CD6: variants seen among roughly 807,000 people sequenced by gnomAD.
CD6 encodes the protein T-cell differentiation antigen CD6.
In CD6, 53 loss-of-function variants were observed where a neutral mutation model predicts 75.3. That is an observed-to-expected ratio of 0.70 (90% CI 0.56 to 0.88). The LOEUF (loss-of-function observed/expected upper bound fraction) is 0.88. Among genes scored for constraint, CD6 ranks in the 40% least tolerant of loss-of-function variants. CD6 has a pLI of 0.00. For synonymous variants in CD6, 359 were observed against 381.5 expected, an observed-to-expected ratio of 0.94 and a Z score of 0.69; for missense variants, 770 against 897.1, an observed-to-expected ratio of 0.86 and a Z score of 1.81.
chr11:61,018,164 G>C (rs1859510280), intron 11 of CD6, 125 bp from the exon 12 acceptor site: 1 of 1,284,416 alleles, frequency 7.8e-7, no homozygotes, highest in Non-Finnish European at 1.1e-6. Flanking sequence ...CCATCTCTGG[G>C]CCTTCACTTT....
Position 61,017,775 on chromosome 11 carries a change from T to C in CD6, c.1599T>C (p.His533=). 1 of 1,614,110 alleles carries C rather than the reference T, an allele frequency of 6.2e-7. No homozygotes were observed. Among genetic ancestry groups the C allele is most frequent in the Non-Finnish European group, 8.5e-7 (1 of 1,180,032 alleles). ...PPLEEGLEEL[H]ASHIPTANPG... ...CTGCCTTAGGACTTGAAGAGTTGCA[T>C]GCCTCCCACATCCCAACTGCCAACC... Residue 533 remains histidine (H), a synonymous_variant, in exon 11 of 13, where the codon CAT becomes CAC. Coordinates refer to ENST00000313421, the MANE Select transcript of CD6 (RefSeq NM_006725.5).
intron 1 of CD6, among the ~76,000 whole-genome samples, chr11:60,999,880 C>T (rs1437237101): frequency 1.3e-5 from 2 of 151,762 alleles, no homozygotes; most frequent in African/African-American, 4.8e-5. Flanking sequence ...AACCCCATCT[C>T]TACTAAAAAT....
intron 1 of CD6, among the ~76,000 whole-genome samples, chr11:60,972,615 C>T (rs534614530): frequency 2.0e-5 from 3 of 152,140 alleles, no homozygotes; most frequent in South Asian, 4.1e-4. Context: ...CTGGCCAGAG[C>T]GGGGCAGGGG....
chr11:60,972,684 A>C (rs1260613201), intron 1 of CD6, among the ~76,000 whole-genome samples: 1 of 152,170 alleles, frequency 6.6e-6, no homozygotes, highest in Non-Finnish European at 1.5e-5. Context: ...ATTTGGGAAG[A>C]CTGGTATGGA....
At chr11:60,993,400 AGCCAGCTGCCGTCCCATAGCTACCAAGG>A (rs1207904598) in intron 1 of CD6, among the ~76,000 whole-genome samples, 1 of 151,884 alleles carries the variant, frequency 6.6e-6, no homozygotes, top group Admixed American at 6.6e-5. Flanking sequence ...TAGAATCAAT[AGCCAGCTGCCGTCCCATAGCTACCAAGG>A]GCCAAACGAG....
At chr11:60,982,010 C>T (rs1036838240) in intron 1 of CD6, among the ~76,000 whole-genome samples, 9 of 137,820 alleles carry the variant, frequency 6.5e-5, no homozygotes, top group Non-Finnish European at 1.3e-4. Flanking sequence ...CCCCAATCTC[C>T]ATCAGGACCC....
At chr11:61,015,649 C>T in intron 8 of CD6, 64 bp from the exon 9 acceptor site, 2 of 1,591,920 alleles carry the variant, frequency 1.3e-6, no homozygotes, top group Non-Finnish European at 1.7e-6. Flanking sequence ...TCATACTCTA[C>T]CATCCCTCCC....
At chr11:61,008,465 C>A in intron 3 of CD6, 69 bp from the exon 4 acceptor site, 1 of 1,415,902 alleles carries the variant, frequency 7.1e-7, no homozygotes, top group Non-Finnish European at 9.5e-7. Flanking sequence ...TCCGGCCAGT[C>A]CAACCATCAC....
intron 1 of CD6, among the ~76,000 whole-genome samples, chr11:60,979,450 T>C (rs1857484878): frequency 6.6e-6 from 1 of 151,380 alleles, no homozygotes; most frequent in Non-Finnish European, 1.5e-5. Flanking sequence ...AGGCTCCATA[T>C]TTTGTTTTGT....
chr11:61,017,315 A>G, intron 9 of CD6, 164 bp from the exon 10 acceptor site: 1 of 629,122 alleles, frequency 1.6e-6, no homozygotes, highest in Non-Finnish European at 2.9e-6. Flanking sequence ...GGATTGGGAT[A>G]TGAACCTGGA....
At chr11:60,978,367 G>GT (rs1335340552) in intron 1 of CD6, among the ~76,000 whole-genome samples, 1 of 152,140 alleles carries the variant, frequency 6.6e-6, no homozygotes, top group African/African-American at 2.4e-5. Flanking sequence ...GAGCCCTGAG[G>GT]TTGGGGGGCA....
At chr11:60,975,785 T>C (rs1370561311) in intron 1 of CD6, among the ~76,000 whole-genome samples, 1 of 152,198 alleles carries the variant, frequency 6.6e-6, no homozygotes, top group Non-Finnish European at 1.5e-5. Flanking sequence ...GTCTGGGCGA[T>C]GAAGGAGACC....
chr11:61,010,376 A>G (rs896263085), intron 5 of CD6, among the ~76,000 whole-genome samples: 23 of 152,240 alleles, frequency 1.5e-4, no homozygotes, highest in African/African-American at 5.5e-4. Context: ...TTATTATTTT[A>G]TGTACCATAA....
chr11:60,998,250 T>C (rs183302192), intron 1 of CD6, among the ~76,000 whole-genome samples: 5 of 152,288 alleles, frequency 3.3e-5, no homozygotes, highest in Admixed American at 2.6e-4. Context: ...ATTAATAGTA[T>C]GCACCTCACA....
intron 1 of CD6, among the ~76,000 whole-genome samples, chr11:60,990,294 G>A (rs534926071): frequency 1.3e-5 from 2 of 152,208 alleles, no homozygotes; most frequent in East Asian, 1.9e-4. Context: ...GTGCAATCTC[G>A]GCTCACTGCA....
intron 1 of CD6, among the ~76,000 whole-genome samples, chr11:61,003,850 C>T (rs1839573745): frequency 2.0e-5 from 3 of 152,204 alleles, no homozygotes; most frequent in Admixed American, 6.5e-5. Flanking sequence ...GTTCCTGTAG[C>T]ACAGAAGTCA....
intron 12 of CD6, 80 bp from the exon 13 acceptor site, chr11:61,019,174 C>T: frequency 9.3e-7 from 1 of 1,073,584 alleles, no homozygotes; most frequent in South Asian, 1.4e-5. Context: ...TGATGTGGAG[C>T]CAGAACCACT....
At chr11:60,983,355 G>A (rs1397774008) in intron 1 of CD6, among the ~76,000 whole-genome samples, 1 of 152,102 alleles carries the variant, frequency 6.6e-6, no homozygotes, top group African/African-American at 2.4e-5. Flanking sequence ...GCTTCCCAAA[G>A]TGCTGGGATT....
intron 8 of CD6, 53 bp from the exon 9 acceptor site, chr11:61,015,660 T>C (rs112409640): frequency 1.9e-6 from 3 of 1,608,544 alleles, no homozygotes; most frequent in African/African-American, 1.3e-5. Context: ...CATCCCTCCC[T>C]ACACCTTTCC....
Sources: allele counts gnomAD v4.1 joint callset (sites outside exome capture counted in the v4.1 genomes callset), GRCh38; gene constraint gnomAD v4.1.1; transcripts MANE v1.5; gene names NCBI Gene and HGNC (gene_info 2026-07-23, HGNC 2026-07-21).